The following STOX1 variants were observed in gnomAD, a reference collection of about 807,000 sequenced individuals.
STOX1 encodes storkhead-box protein 1.
STOX1 carries 57 observed loss-of-function variants against 74.8 expected under a neutral mutation model. The observed-to-expected ratio is 0.76, with a 90% confidence interval of 0.62 to 0.95. STOX1 has a LOEUF of 0.95. STOX1 is among the 40% of genes least tolerant of loss of function. STOX1 has a pLI of 0.00. For synonymous variants in STOX1, 375 were observed against 401.3 expected, an observed-to-expected ratio of 0.93 and a Z score of 0.78; for missense variants, 1,010 against 1,117.0, an observed-to-expected ratio of 0.90 and a Z score of 1.37.
chr10:68,846,163 T>TATTATTATG (rs1564572634), intron 1 of STOX1, among the ~76,000 whole-genome samples: 1 of 146,508 alleles, frequency 6.8e-6, no homozygotes, highest in Non-Finnish European at 1.5e-5. Flanking sequence ...TTATTATTAT[T>TATTATTATG]TGAGACGGAG....
In STOX1 at chr10:68,827,643, T is replaced by C; in HGVS notation, c.20T>C (p.Leu7Pro). MARPVQ[L>P]APGSLALVLC... The stretch of plus-strand genomic sequence containing the variant: ...GAAAGCATGGCCCGGCCCGTGCAGC[T>C]GGCGCCGGGCTCGCTGGCGCTAGTG... Residue 7 changes from leucine to proline, a missense_variant, in exon 1 of 4, where the codon CTG (leucine) becomes CCG (proline). Transcript: ENST00000298596. 8.7e-7 allele frequency: 1 copy of C among 1,145,124 alleles called. No homozygotes were observed. The highest frequency in any genetic ancestry group is 1.1e-6 in the Non-Finnish European group (1 of 932,462). The allele number at this position is 1,145,124 out of a possible 1,614,324, so 70.9% of individuals were successfully genotyped here. A position where few individuals can be genotyped will look rare whatever the true frequency, so the allele number is the denominator to read the frequency against.
chr10:68,886,182 A>C lies in STOX1; in HGVS notation c.2386A>C (p.Arg796=). 6.2e-7 allele frequency: 1 copy of C among 1,614,162 alleles called. No homozygotes were observed. The highest frequency in any genetic ancestry group is 8.5e-7 in the Non-Finnish European group (1 of 1,180,030). The part of the protein sequence containing the change: ...MERVESQVLK[R]NECYKPTGLH... The stretch of plus-strand genomic sequence containing the variant: ...GAGGGTTGAGTCTCAGGTGCTTAAA[A>C]GAAATGAATGCTACAAACCCACTGG... Residue 796 remains arginine (R), a synonymous_variant, in exon 3 of 4, where the codon AGA becomes CGA. Coordinates refer to ENST00000298596, the MANE Select transcript of STOX1 (RefSeq NM_152709.5).
At chr10:68,834,758 T>A (rs558442304) in intron 1 of STOX1, among the ~76,000 whole-genome samples, 2 of 152,348 alleles carry the variant, frequency 1.3e-5, no homozygotes, top group Middle Eastern at 3.4e-3. Flanking sequence ...GGAGTCTCAC[T>A]CTGTCACCCA....
At chr10:68,873,375 C>T (rs547649450) in intron 1 of STOX1, among the ~76,000 whole-genome samples, 425 of 151,322 alleles carry the variant, frequency 2.8e-3, no homozygotes, top group African/African-American at 9.6e-3. Context: ...ATTCTCCTGC[C>T]TCAGCCTCCT....
At chr10:68,863,891 T>C (rs1179297965) in intron 1 of STOX1, among the ~76,000 whole-genome samples, 1 of 151,646 alleles carries the variant, frequency 6.6e-6, no homozygotes, top group African/African-American at 2.4e-5. Flanking sequence ...AAGCAGTCAA[T>C]ACCTCTATTA....
At position 68,850,687 on chromosome 10, in the gene STOX1, C is replaced by T. The variant is rs115484216; in HGVS notation, c.310+22754C>T. 1.8e-3 allele frequency among the ~76,000 whole-genome samples: 277 copies of T among 152,276 alleles called. 3 individuals are homozygous for T. Among genetic ancestry groups the T allele is most frequent in the African/African-American group, 6.3e-3 (263 of 41,568 alleles). On this transcript the variant is annotated intron_variant, in intron 1 of 3. Transcript: ENST00000298596. Reference sequence around the variant, plus strand: ...AAGTTGATTTAGATACACTTTTAAACATTTGGCTGGGCACAGTGGCTCACG... The same window carrying T: ...AAGTTGATTTAGATACACTTTTAAATATTTGGCTGGGCACAGTGGCTCACG...
chr10:68,847,410 T>A (rs562328973), intron 1 of STOX1, among the ~76,000 whole-genome samples: 1 of 145,696 alleles, frequency 6.9e-6, no homozygotes, highest in African/African-American at 2.8e-5. Flanking sequence ...TAGAAGGTTT[T>A]GTTTTGTTTT....
At chr10:68,862,695 C>T (rs1433148549) in intron 1 of STOX1, among the ~76,000 whole-genome samples, 6 of 152,042 alleles carry the variant, frequency 3.9e-5, no homozygotes, top group Non-Finnish European at 8.8e-5. Context: ...GCTATCTGAT[C>T]GTTCTGTTCA....
chr10:68,846,160 T>TA (rs1839850967), intron 1 of STOX1, among the ~76,000 whole-genome samples: 1 of 143,852 alleles, frequency 7.0e-6, no homozygotes, highest in South Asian at 2.2e-4. Flanking sequence ...TTATTATTAT[T>TA]ATTTGAGACG....
chr10:68,853,221 G>C (rs749458968), intron 1 of STOX1, among the ~76,000 whole-genome samples: 6 of 151,990 alleles, frequency 3.9e-5, no homozygotes, highest in Admixed American at 2.0e-4. Flanking sequence ...CACTGTGCCC[G>C]GCCGGTCATT....
In STOX1 at chr10:68,869,083, C is replaced by T. The variant is rs531129358; in HGVS notation, c.311-12875C>T. Among the ~76,000 whole-genome samples the T allele has an allele frequency of 1.7e-4, 26 of 152,344 alleles. No individual in the cohort carries two copies. In the South Asian group the frequency reaches 4.1e-3, roughly 24 times the overall value. ...CAAGGCCCTATGAGGAACAGTCTGG[C>T]TCTTCTTCCTCGTGATGGTCCTGGC... On this transcript the variant is annotated intron_variant, in intron 1 of 3. Coordinates refer to ENST00000298596, the MANE Select transcript of STOX1 (RefSeq NM_152709.5).
intron 1 of STOX1, among the ~76,000 whole-genome samples, chr10:68,878,415 G>T (rs1318983289): frequency 6.6e-6 from 1 of 152,118 alleles, no homozygotes; most frequent in East Asian, 1.9e-4. Flanking sequence ...TGCCCCGCTT[G>T]GACAGATTTT....
chr10:68,867,755 G>A (rs1840444894), intron 1 of STOX1, among the ~76,000 whole-genome samples: 1 of 152,208 alleles, frequency 6.6e-6, no homozygotes, highest in Admixed American at 6.5e-5. Context: ...ACAGTTACAG[G>A]AATATCCTCA....
At chr10:68,846,946 C>T (rs569335795) in intron 1 of STOX1, 3 of 152,212 alleles carry the variant, frequency 2.0e-5, no homozygotes, top group Non-Finnish European at 4.4e-5. Context: ...AGATTAATTT[C>T]GGGAGAATTC....
chr10:68,881,107 T>A (rs1470929629), intron 1 of STOX1, among the ~76,000 whole-genome samples: 1 of 152,220 alleles, frequency 6.6e-6, no homozygotes, highest in Non-Finnish European at 1.5e-5. Flanking sequence ...TCTCTATTAG[T>A]TGATTCCCAG....
At chr10:68,873,581 T>A (rs1161122478) in intron 1 of STOX1, among the ~76,000 whole-genome samples, 2 of 129,788 alleles carry the variant, frequency 1.5e-5, no homozygotes, top group Non-Finnish European at 3.3e-5. Flanking sequence ...TTTTTTTTAA[T>A]CCTGAGTTTT....
chr10:68,883,225 A>C (rs1274523979), intron 2 of STOX1, among the ~76,000 whole-genome samples: 2 of 42,156 alleles, frequency 4.7e-5, no homozygotes, highest in African/African-American at 1.2e-4. Context: ...AAAACTACAA[A>C]AAAAAAAAAA....
chr10:68,883,724 A>T (rs1480162181), intron 2 of STOX1, among the ~76,000 whole-genome samples: 3 of 126,716 alleles, frequency 2.4e-5, no homozygotes, highest in African/African-American at 6.0e-5. Flanking sequence ...TATTCCTATT[A>T]TTTAAGTTAT....
chr10:68,837,460 A>G (rs1839584183), intron 1 of STOX1, among the ~76,000 whole-genome samples: 1 of 152,234 alleles, frequency 6.6e-6, no homozygotes. Context: ...CTACTCATGC[A>G]TCTGAGCCTG....
Sources: allele counts gnomAD v4.1 joint callset (sites outside exome capture counted in the v4.1 genomes callset), GRCh38; gene constraint gnomAD v4.1.1; transcripts MANE v1.5; gene names NCBI Gene and HGNC (gene_info 2026-07-23, HGNC 2026-07-21).